Variants in PACRG observed in about 807,000 individuals in gnomAD.
PACRG encodes the protein parkin coregulated, also known as parkin coregulated gene protein.
A neutral mutation model predicts 29.7 loss-of-function variants in PACRG; 29 were observed. The observed-to-expected ratio is 0.98, with a 90% confidence interval of 0.73 to 1.33. The LOEUF (loss-of-function observed/expected upper bound fraction) is 1.33. Ranked by LOEUF, PACRG falls within the 40% of genes most tolerant of loss-of-function variation. The probability of loss-of-function intolerance (pLI) is 0.00; values close to 1 mark genes in which losing one functional copy is unlikely to be tolerated. For synonymous variants in PACRG, 116 were observed against 118.7 expected (o/e 0.98, Z 0.15); for missense variants, 279 against 316.2 (o/e 0.88, Z 0.89).
chr6:163,243,135 A>T (rs1782564625), intron 4 of PACRG, among the ~76,000 whole-genome samples: 1 of 152,214 alleles, frequency 6.6e-6, no homozygotes, highest in Non-Finnish European at 1.5e-5. Flanking sequence ...TCCAGGAGTC[A>T]TAGGTTACGT....
intron 1 of PACRG, among the ~76,000 whole-genome samples, chr6:162,728,675 G>A (rs528227176): frequency 3.0e-4 from 45 of 152,076 alleles, no homozygotes; most frequent in Admixed American, 2.6e-4. Context: ...TTTACACGAG[G>A]AAAAAAGATC....
chr6:163,062,398 C>T (rs1336020596), intron 3 of PACRG, 77 bp downstream of exon 3: 15 of 1,434,540 alleles, frequency 1.0e-5, no homozygotes, highest in African/African-American at 1.4e-5. Flanking sequence ...AAGCAATAAA[C>T]CATGACAGAC....
chr6:162,773,493 CA>C lies in PACRG; in HGVS notation c.157-40653del, dbSNP rs1278795842. Among the ~76,000 whole-genome samples the C allele has an allele frequency of 1.6e-3, 132 of 82,750 alleles. 1 individual carries two copies. Among genetic ancestry groups the C allele is most frequent in the Non-Finnish European group, 2.3e-3 (98 of 42,834 alleles). The allele number at this position is 82,750 out of a possible 152,430, so 54.3% of individuals were successfully genotyped here. ...GATATTTGGTATTTTTACAGCTTGTCATTTTTTTTTTTTTTTTTTTTTTTTT... is the reference window on the plus strand; with the variant it reads ...GATATTTGGTATTTTTACAGCTTGTCTTTTTTTTTTTTTTTTTTTTTTTTT... On this transcript the variant is annotated intron_variant, in intron 1 of 4. Coordinates refer to ENST00000366888, the MANE Select transcript of PACRG (RefSeq NM_001080379.2).
intron 2 of PACRG, among the ~76,000 whole-genome samples, chr6:163,061,178 C>T (rs1811068160): frequency 6.6e-6 from 1 of 152,080 alleles, no homozygotes. Flanking sequence ...TGGGAAGGCC[C>T]CATCCCTTGC....
At chr6:162,944,232 A>G (rs1469504695) in intron 2 of PACRG, among the ~76,000 whole-genome samples, 2 of 152,202 alleles carry the variant, frequency 1.3e-5, no homozygotes, top group African/African-American at 4.8e-5. Flanking sequence ...AGCCAAATAA[A>G]TCATAGAGAA....
At chr6:163,278,742 C>T (rs1248756177) in intron 4 of PACRG, among the ~76,000 whole-genome samples, 1 of 152,104 alleles carries the variant, frequency 6.6e-6, no homozygotes, top group East Asian at 1.9e-4. Context: ...TATGGCCTTA[C>T]ATTACAGTTT....
chr6:163,139,590 G>A (rs1438681381), intron 4 of PACRG, among the ~76,000 whole-genome samples: 1 of 152,124 alleles, frequency 6.6e-6, no homozygotes, highest in African/African-American at 2.4e-5. Flanking sequence ...CAAAAAAAAA[G>A]AGAAAGCTTT....
At chr6:162,763,472 T>G (rs1782539986) in intron 1 of PACRG, among the ~76,000 whole-genome samples, 1 of 152,218 alleles carries the variant, frequency 6.6e-6, no homozygotes, top group Non-Finnish European at 1.5e-5. Flanking sequence ...AGAAAGTGCT[T>G]AAGAATTATG....
chr6:163,004,979 A>G (rs1804931634), intron 2 of PACRG, among the ~76,000 whole-genome samples: 1 of 152,008 alleles, frequency 6.6e-6, no homozygotes, highest in Non-Finnish European at 1.5e-5. Context: ...TTATATGAAA[A>G]ATAAATGAGT....
chr6:162,744,495 C>A (rs1023481005), intron 1 of PACRG, among the ~76,000 whole-genome samples: 1 of 151,770 alleles, frequency 6.6e-6, no homozygotes. Flanking sequence ...CTTGGGAGGC[C>A]GAGGTTGGAG....
chr6:163,012,195 T>A (rs73783962), intron 2 of PACRG, among the ~76,000 whole-genome samples: 4,731 of 152,296 alleles, frequency 0.031, 166 homozygotes, highest in African/African-American at 0.083. Context: ...TTTATTCTAA[T>A]CCTAAGGTCC....
chr6:162,814,422 A>G (rs1430347360), intron 2 of PACRG, 141 bp downstream of exon 2: 2 of 1,076,484 alleles, frequency 1.9e-6, no homozygotes, highest in Admixed American at 2.6e-5. Flanking sequence ...TCTTAGAGAA[A>G]GCCCCCCTGT....
intron 2 of PACRG, among the ~76,000 whole-genome samples, chr6:162,827,987 A>C (rs565616062): frequency 6.6e-6 from 1 of 152,316 alleles, no homozygotes; most frequent in African/African-American, 2.4e-5. Flanking sequence ...GGACTGCAGA[A>C]GAACTGGAGC....
chr6:163,220,094 G>A (rs907687496), intron 4 of PACRG, among the ~76,000 whole-genome samples: 17 of 152,042 alleles, frequency 1.1e-4, no homozygotes, highest in African/African-American at 1.7e-4. Context: ...CAAGGATGCC[G>A]TCTTTTCACC....
intron 4 of PACRG, among the ~76,000 whole-genome samples, chr6:163,302,040 T>G (rs568411231): frequency 6.6e-6 from 1 of 152,320 alleles, no homozygotes; most frequent in East Asian, 1.9e-4. Flanking sequence ...CTGAGGAATT[T>G]TAAGAGATAA....
At chr6:162,757,148 T>C (rs1375997003) in intron 1 of PACRG, among the ~76,000 whole-genome samples, 2 of 152,216 alleles carry the variant, frequency 1.3e-5, no homozygotes, top group African/African-American at 4.8e-5. Context: ...TGCAATGTTC[T>C]ATTTCCAGTT....
At chr6:162,776,682 C>T (rs1331717445) in intron 1 of PACRG, among the ~76,000 whole-genome samples, 4 of 152,188 alleles carry the variant, frequency 2.6e-5, no homozygotes, top group Admixed American at 2.0e-4. Flanking sequence ...GGAGCCCATA[C>T]AAGTGAGGGG....
intron 2 of PACRG, among the ~76,000 whole-genome samples, chr6:162,905,738 GT>G (rs541335322): frequency 3.3e-5 from 5 of 152,294 alleles, no homozygotes; most frequent in Admixed American, 2.6e-4. Context: ...ATGTTGAGCT[GT>G]GGTGGATTGG....
intron 2 of PACRG, among the ~76,000 whole-genome samples, chr6:162,963,300 G>T (rs372436834): frequency 6.6e-6 from 1 of 152,034 alleles, no homozygotes; most frequent in Non-Finnish European, 1.5e-5. Flanking sequence ...GACATTAAAA[G>T]CTGTTCACAT....
Sources: allele counts gnomAD v4.1 joint callset (sites outside exome capture counted in the v4.1 genomes callset), GRCh38; gene constraint gnomAD v4.1.1; transcripts MANE v1.5; gene names NCBI Gene and HGNC (gene_info 2026-07-23, HGNC 2026-07-21).